Variants in SULT1B1 observed in about 807,000 individuals in gnomAD.
SULT1B1 encodes sulfotransferase family 1B member 1.
A neutral mutation model predicts 34.6 loss-of-function variants in SULT1B1; 28 were observed. That is an observed-to-expected ratio of 0.81 (90% CI 0.60 to 1.11). The LOEUF is 1.11. Ranked by LOEUF, SULT1B1 falls within the 50% of genes least tolerant of loss-of-function variation. The pLI is 0.00. For synonymous variants in SULT1B1, 147 were observed against 110.2 expected (o/e 1.33, Z -2.09); for missense variants, 374 against 352.2 (o/e 1.06, Z -0.50).
At chr4:69,750,725 T>A (rs1354476574) in intron 3 of SULT1B1, among the ~76,000 whole-genome samples, 2 of 152,244 alleles carry the variant, frequency 1.3e-5, no homozygotes, top group Non-Finnish European at 2.9e-5. Context: ...TCATAGTTTA[T>A]TTACTTATTT....
intron 4 of SULT1B1, among the ~76,000 whole-genome samples, chr4:69,749,135 C>A (rs957893941): frequency 6.6e-6 from 1 of 151,704 alleles, no homozygotes; most frequent in Non-Finnish European, 1.5e-5. Flanking sequence ...GGAGAAGGCA[C>A]AAATAACTGA....
intron 4 of SULT1B1, among the ~76,000 whole-genome samples, 165 bp from the exon 5 acceptor site, chr4:69,734,429 T>G (rs1718219006): frequency 6.6e-6 from 1 of 152,200 alleles, no homozygotes; most frequent in South Asian, 2.1e-4. Context: ...TCAATTCAAG[T>G]GATTTTCAAT....
intron 4 of SULT1B1, among the ~76,000 whole-genome samples, chr4:69,749,164 G>A (rs142223092): frequency 2.4e-4 from 37 of 151,994 alleles, no homozygotes; most frequent in African/African-American, 8.4e-4. Context: ...ACAAAACAGG[G>A]TATCAGAACA....
chr4:69,743,512 C>A (rs918494885), intron 4 of SULT1B1, among the ~76,000 whole-genome samples: 1 of 152,216 alleles, frequency 6.6e-6, no homozygotes, highest in South Asian at 2.1e-4. Flanking sequence ...AGGCTTCAGG[C>A]CCTCCCCAGC....
intron 1 of SULT1B1, among the ~76,000 whole-genome samples, chr4:69,758,975 A>G (rs1283082309): frequency 1.3e-5 from 2 of 152,230 alleles, no homozygotes; most frequent in Admixed American, 6.5e-5. Context: ...CAGAATCTAC[A>G]TTTTAGTAAG....
chr4:69,755,558 T>C (rs1286119447), intron 1 of SULT1B1, among the ~76,000 whole-genome samples: 1 of 152,168 alleles, frequency 6.6e-6, no homozygotes, highest in Admixed American at 6.5e-5. Flanking sequence ...CTGAACAATC[T>C]GACTTAAGGC....
At chr4:69,733,581 T>C (rs1047104996) in intron 5 of SULT1B1, 74 bp from the exon 6 acceptor site, 15 of 1,135,136 alleles carry the variant, frequency 1.3e-5, no homozygotes, top group Non-Finnish European at 1.2e-6. Flanking sequence ...GTAAATCAAA[T>C]TGTGAAAACA....
At chr4:69,742,759 G>A (rs115131520) in intron 4 of SULT1B1, among the ~76,000 whole-genome samples, 2,048 of 152,288 alleles carry the variant, frequency 0.013, 58 homozygotes, top group African/African-American at 0.047. Flanking sequence ...GCCTGCCGAG[G>A]GTGAGCCATG....
rs1339869254 is a variant in SULT1B1 at position 69,746,501 on chromosome 4, T to C, written c.375+3220A>G. ...TCAGCTTGGTCTATTCTATTATTAA[T>C]GTTTCCCATTGTATTATGAAGTTCC... On this transcript the variant is annotated intron_variant, in intron 4 of 7. Coordinates refer to ENST00000310613, the MANE Select transcript of SULT1B1 (RefSeq NM_014465.4). Among the ~76,000 whole-genome samples the C allele has an allele frequency of 2.0e-5, 3 of 152,232 alleles. No individual in the cohort carries two copies. In the East Asian group the frequency reaches 5.8e-4, roughly 29 times the overall value.
At chr4:69,732,338 C>A (rs1487128784) in intron 6 of SULT1B1, among the ~76,000 whole-genome samples, 2 of 152,024 alleles carry the variant, frequency 1.3e-5, no homozygotes, top group Non-Finnish European at 2.9e-5. Context: ...TGGGAGTTTC[C>A]CAAAACTACC....
intron 1 of SULT1B1, among the ~76,000 whole-genome samples, chr4:69,755,518 C>T (rs557517126): frequency 1.1e-4 from 16 of 152,212 alleles, no homozygotes; most frequent in Admixed American, 4.6e-4. Context: ...AATTAAAAAG[C>T]GTGTTTCACA....
At position 69,755,149 on chromosome 4, in the gene SULT1B1, A is replaced by G; in HGVS notation, c.69T>C (p.Ala23=). The part of the protein sequence containing the change: ...KLVHGYPMTC[A]FASNWEKIEQ... ...CAATTTTTTCCCAGTTGCTTGCAAA[A>G]GCACAGGTCATGGGATAACCATGGA... The change falls in exon 2 of 8, where the codon GCT becomes GCC. Residue 23 remains alanine (A), a synonymous_variant. Transcript: ENST00000310613. 6.2e-7 allele frequency: 1 copy of G among 1,614,044 alleles called. No individual in the cohort carries two copies. The highest frequency in any genetic ancestry group is 1.7e-5 in the Admixed American group (1 of 60,022).
At chr4:69,738,919 C>G (rs1038428785) in intron 4 of SULT1B1, among the ~76,000 whole-genome samples, 1 of 152,136 alleles carries the variant, frequency 6.6e-6, no homozygotes, top group African/African-American at 2.4e-5. Flanking sequence ...GCTAGAGGCT[C>G]CATTCAAGAC....
At chr4:69,746,905 G>C (rs1168803359) in intron 4 of SULT1B1, among the ~76,000 whole-genome samples, 2 of 152,188 alleles carry the variant, frequency 1.3e-5, no homozygotes, top group African/African-American at 4.8e-5. Context: ...TTGAGGTTTT[G>C]ACTGTAGTGT....
At position 69,734,043 on chromosome 4, in the gene SULT1B1, T is replaced by C. The variant is rs1017381790; in HGVS notation, c.502+95A>G. On this transcript the variant is annotated intron_variant, in intron 5 of 7. Coordinates refer to ENST00000310613, the MANE Select transcript of SULT1B1 (RefSeq NM_014465.4). ...TATTTGAACATACTTTTCACTAGAT[T>C]GGAAAAATAAGTATTTTGAAAGTCA... 5.6e-6 allele frequency: 6 copies of C among 1,077,040 alleles called. No homozygotes were observed. The Admixed American group carries it at 1.0e-4, about 19-fold the overall frequency. 66.7% of individuals were successfully genotyped at this position (1,077,040 alleles called of 1,614,324 possible).
chr4:69,723,950 T>G lies in SULT1B1; in HGVS notation c.*3138A>C, dbSNP rs1717728983. On this transcript the variant is annotated 3_prime_UTR_variant, in exon 8 of 8. Coordinates refer to ENST00000310613, the MANE Select transcript of SULT1B1 (RefSeq NM_014465.4). The stretch of plus-strand genomic sequence containing the variant: ...ATGGGCAAAACCTGGAAGCATTCCC[T>G]TTGAAAACTGGCACAAGACAGGGAT... The G allele has an allele frequency of 6.6e-6, 1 of 152,262 alleles. No individual in the cohort carries two copies. The highest frequency in any genetic ancestry group is 1.5e-5 in the Non-Finnish European group (1 of 68,100). 9.4% of individuals were successfully genotyped at this position (152,262 alleles called of 1,614,324 possible).
In SULT1B1 at chr4:69,724,930, C is replaced by T. The variant is rs1257409329; in HGVS notation, c.*2158G>A. 6.6e-6 allele frequency: 1 copy of T among 152,030 alleles called. No individual in the cohort carries two copies. Among genetic ancestry groups the T allele is most frequent in the East Asian group, 1.9e-4 (1 of 5,188 alleles). The allele number at this position is 152,030 out of a possible 1,614,324, so 9.4% of individuals were successfully genotyped here. A position where few individuals can be genotyped will look rare whatever the true frequency, so the allele number is the denominator to read the frequency against. On this transcript the variant is annotated 3_prime_UTR_variant, in exon 8 of 8. Coordinates refer to ENST00000310613, the MANE Select transcript of SULT1B1 (RefSeq NM_014465.4). ...AACCATAAAAACCCTAGAAGAAAAC[C>T]TAGGCAATATCATTCAGGACATAGG...
At chr4:69,743,229 G>C (rs557790281) in intron 4 of SULT1B1, among the ~76,000 whole-genome samples, 1 of 152,208 alleles carries the variant, frequency 6.6e-6, no homozygotes, top group African/African-American at 2.4e-5. Context: ...CAAACAAATA[G>C]AGGGTGAGCA....
At chr4:69,751,556 A>G (rs565387838) in intron 3 of SULT1B1, among the ~76,000 whole-genome samples, 1 of 152,192 alleles carries the variant, frequency 6.6e-6, no homozygotes, top group African/African-American at 2.4e-5. Context: ...GGTTCACGCC[A>G]TTCTCCTGCC....
Sources: gnomAD v4.1 joint callset for allele counts (sites outside exome capture counted in the v4.1 genomes callset) on GRCh38, gnomAD v4.1.1 for gene constraint, MANE v1.5 for transcripts, NCBI Gene and HGNC (gene_info 2026-07-23, HGNC 2026-07-21) for gene names.